The following CRHR1 variants were observed in gnomAD, a reference collection of about 807,000 sequenced individuals.
CRHR1 encodes the protein corticotropin releasing hormone receptor 1.
A neutral mutation model predicts 56.0 loss-of-function variants in CRHR1; 28 were observed. That is an observed-to-expected ratio of 0.50 (90% CI 0.37 to 0.69). The LOEUF (loss-of-function observed/expected upper bound fraction) is 0.69, where lower values mean the gene tolerates loss of function less well. Among genes scored for constraint, CRHR1 ranks in the 30% least tolerant of loss-of-function variants. CRHR1 has a pLI of 0.00. For missense variants in CRHR1, 376 were observed against 548.0 expected (o/e 0.69, Z 3.13); for synonymous variants, 195 against 216.5 (o/e 0.90, Z 0.87).
At chr17:45,834,480 T>G in intron 12 of CRHR1, 144 bp from the exon 13 acceptor site, 6 of 877,212 alleles carry the variant, frequency 6.8e-6, no homozygotes, top group Non-Finnish European at 1.0e-5. Context: ...GTTAAGGCTG[T>G]GAGTGTCATC....
rs1303535579 is a variant in CRHR1 at position 45,830,178 on chromosome 17, G to A, written c.519G>A (p.Gln173=). 2 of 1,614,160 alleles carry A rather than the reference G, an allele frequency of 1.2e-6. No homozygotes were observed. ...ILRNATWFVV[Q]LTMSPEVHQS... ...GCAACGCCACCTGGTTCGTGGTCCA[G>A]CTAACCATGAGCCCCGAGGTCCACC... The change falls in exon 6 of 13, where the codon CAG becomes CAA. Residue 173 remains glutamine (Q), a synonymous_variant. Coordinates refer to ENST00000314537, the MANE Select transcript of CRHR1 (RefSeq NM_004382.5).
chr17:45,798,170 T>G (rs1198764324), intron 1 of CRHR1, among the ~76,000 whole-genome samples: 1 of 152,124 alleles, frequency 6.6e-6, no homozygotes, highest in Non-Finnish European at 1.5e-5. Context: ...ATTCAGTCAT[T>G]TATTCATTCA....
intron 1 of CRHR1, among the ~76,000 whole-genome samples, chr17:45,789,058 G>T (rs1228124754): frequency 1.3e-5 from 2 of 152,182 alleles, no homozygotes; most frequent in Non-Finnish European, 2.9e-5. Flanking sequence ...CAGTGATCTG[G>T]AGAATCCCTT....
chr17:45,795,162 A>T (rs919539920), intron 1 of CRHR1, among the ~76,000 whole-genome samples: 12 of 152,134 alleles, frequency 7.9e-5, no homozygotes, highest in Admixed American at 4.6e-4. Context: ...CTGCCTTCAG[A>T]CTGAGGCCAG....
At chr17:45,815,226 C>T (rs911614508) in intron 2 of CRHR1, among the ~76,000 whole-genome samples, 2 of 152,226 alleles carry the variant, frequency 1.3e-5, no homozygotes, top group Non-Finnish European at 2.9e-5. Context: ...GGTTATTAAC[C>T]TGGGGACACT....
chr17:45,828,261 C>A (rs1444617457), intron 4 of CRHR1, among the ~76,000 whole-genome samples: 1 of 152,198 alleles, frequency 6.6e-6, no homozygotes, highest in Non-Finnish European at 1.5e-5. Context: ...GGGCTGGGGA[C>A]CTGTTTGCAG....
chr17:45,802,604 A>G lies in CRHR1; in HGVS notation c.34-4406A>G, dbSNP rs1216845106. 2.6e-5 allele frequency among the ~76,000 whole-genome samples: 4 copies of G among 152,226 alleles called. No homozygotes were observed. The East Asian group carries it at 7.7e-4, about 29-fold the overall frequency. On this transcript the variant is annotated intron_variant, in intron 1 of 12. Transcript: ENST00000314537. ...AGAGCAAGAGGTGGCACAGGCACAG[A>G]TTCTGCTACAGAGCAGACCTTTCCA...
chr17:45,827,372 C>G (rs960067660), intron 4 of CRHR1, among the ~76,000 whole-genome samples: 11 of 152,226 alleles, frequency 7.2e-5, no homozygotes, highest in African/African-American at 2.4e-4. Context: ...CCATGCTCGG[C>G]TCCACACATG....
At chr17:45,804,731 T>C (rs2061688947) in intron 1 of CRHR1, among the ~76,000 whole-genome samples, 1 of 151,792 alleles carries the variant, frequency 6.6e-6, no homozygotes, top group Non-Finnish European at 1.5e-5. Flanking sequence ...GGATGGCGTC[T>C]GGCTTGGGAA....
intron 1 of CRHR1, among the ~76,000 whole-genome samples, chr17:45,788,851 A>G (rs920690585): frequency 2.6e-5 from 4 of 152,182 alleles, no homozygotes; most frequent in African/African-American, 9.7e-5. Context: ...TGCTTCTTCC[A>G]TTTGGTATTG....
chr17:45,834,605 C>T lies in CRHR1; in HGVS notation c.1108-19C>T. ...CTGAGCCACAGGCTCAGATGTCGTG[C>T]TCCTCCCTGTGCCCACAGGTCCGTT... On this transcript the variant is annotated intron_variant, in intron 12 of 12. Coordinates refer to ENST00000314537, the MANE Select transcript of CRHR1 (RefSeq NM_004382.5). The T allele has an allele frequency of 6.3e-7, 1 of 1,599,620 alleles. No homozygotes were observed. The highest frequency in any genetic ancestry group is 8.5e-7 in the Non-Finnish European group (1 of 1,172,048).
intron 8 of CRHR1, among the ~76,000 whole-genome samples, chr17:45,832,307 C>T (rs778013323): frequency 8.5e-5 from 13 of 152,162 alleles, no homozygotes; most frequent in Non-Finnish European, 1.6e-4. Context: ...GAAGCTCCAC[C>T]TGGTGGTGAG....
chr17:45,829,638 A>G, intron 5 of CRHR1: 1 of 1,550,552 alleles, frequency 6.4e-7, no homozygotes, highest in Non-Finnish European at 8.7e-7. Context: ...GCCCCATTTC[A>G]GGTTCGAAGG....
intron 1 of CRHR1, among the ~76,000 whole-genome samples, chr17:45,804,194 G>A (rs1464317648): frequency 6.6e-6 from 1 of 152,202 alleles, no homozygotes; most frequent in African/African-American, 2.4e-5. Context: ...AGTCCCAGGC[G>A]CGAGTTGGCT....
intron 1 of CRHR1, among the ~76,000 whole-genome samples, chr17:45,803,388 A>G (rs946264635): frequency 2.6e-5 from 4 of 151,662 alleles, no homozygotes; most frequent in Non-Finnish European, 4.4e-5. Flanking sequence ...TATTTATTTT[A>G]TTTATTTATT....
In CRHR1 at chr17:45,830,877, C is replaced by A; in HGVS notation, c.710-3C>A. 6.2e-7 allele frequency: 1 copy of A among 1,613,812 alleles called. No individual in the cohort carries two copies. Among genetic ancestry groups the A allele is most frequent in the South Asian group, 1.1e-5 (1 of 91,078 alleles). Reference sequence around the variant, plus strand: ...GCTCTGTGACAGCCCATCTCTCCCCCAGGTGTGCCCTTCCCCATCATTGTG... The same window carrying A: ...GCTCTGTGACAGCCCATCTCTCCCCAAGGTGTGCCCTTCCCCATCATTGTG... On this transcript the variant is annotated splice_polypyrimidine_tract_variant and splice_region_variant and intron_variant, in intron 7 of 12. Transcript: ENST00000314537.
At chr17:45,829,882 T>A (rs556501637) in intron 5 of CRHR1, among the ~76,000 whole-genome samples, 1 of 151,982 alleles carries the variant, frequency 6.6e-6, no homozygotes, top group East Asian at 1.9e-4. Context: ...AGGCTCTGCC[T>A]GGGGCTTATG....
chr17:45,823,890 C>T (rs1568061831), intron 4 of CRHR1, among the ~76,000 whole-genome samples: 1 of 152,230 alleles, frequency 6.6e-6, no homozygotes, highest in East Asian at 1.9e-4. Context: ...CACGGTGCTG[C>T]TCTGGCAGGG....
chr17:45,822,667 A>G (rs759994819), intron 4 of CRHR1, among the ~76,000 whole-genome samples: 3 of 152,166 alleles, frequency 2.0e-5, no homozygotes, highest in Admixed American at 6.5e-5. Flanking sequence ...CCTGTCCAAC[A>G]TGGTGAAACC....
Sources: allele counts gnomAD v4.1 joint callset (sites outside exome capture counted in the v4.1 genomes callset), GRCh38; gene constraint gnomAD v4.1.1; transcripts MANE v1.5; gene names NCBI Gene and HGNC (gene_info 2026-07-23, HGNC 2026-07-21).